The following THSD7A variants were observed in gnomAD, a reference collection of about 807,000 sequenced individuals.
THSD7A encodes the protein thrombospondin type 1 domain containing 7A.
THSD7A carries 96 observed loss-of-function variants against 231.3 expected under a neutral mutation model. The ratio of observed to expected loss-of-function variants is 0.41; its 90% confidence interval spans 0.35 to 0.49. The LOEUF (loss-of-function observed/expected upper bound fraction) is 0.49, where lower values mean the gene tolerates loss of function less well. THSD7A is among the 20% of genes least tolerant of loss of function. The pLI, the probability that THSD7A is intolerant of heterozygous loss-of-function variation, is 0.05. For synonymous variants in THSD7A, 940 were observed against 743.3 expected (o/e 1.26, Z -4.30); for missense variants, 2,290 against 2,070.2 (o/e 1.11, Z -2.06).
At chr7:11,463,633 A>G (rs964433048) in intron 9 of THSD7A, among the ~76,000 whole-genome samples, 6 of 152,152 alleles carry the variant, frequency 3.9e-5, no homozygotes, top group African/African-American at 1.4e-4. Flanking sequence ...ATTTTAATGA[A>G]TAAGCGGGAT....
At chr7:11,825,645 A>G (rs1001885136) in intron 1 of THSD7A, among the ~76,000 whole-genome samples, 12 of 152,180 alleles carry the variant, frequency 7.9e-5, no homozygotes, top group African/African-American at 2.9e-4. Flanking sequence ...AGTACGTTAC[A>G]TGCATTACCA....
At chr7:11,619,402 C>CTTTTTT (rs10706554) in intron 2 of THSD7A, among the ~76,000 whole-genome samples, 1 of 127,782 alleles carries the variant, frequency 7.8e-6, no homozygotes, top group African/African-American at 2.9e-5. Flanking sequence ...TCTTACTGTA[C>CTTTTTT]TTTTTTTTTT....
In THSD7A at chr7:11,636,349, G is replaced by T. The variant is rs1306251741; in HGVS notation, c.803C>A (p.Ser268Tyr). The T allele has an allele frequency of 4.3e-6, 7 of 1,613,664 alleles. No individual in the cohort carries two copies. In the African/African-American group the frequency reaches 9.3e-5, roughly 22 times the overall value. The change falls in exon 2 of 28, where the codon TCC becomes TAC. Residue 268 changes from serine to tyrosine, a missense_variant. Transcript: ENST00000423059. The surrounding 1 kb of genome is among the most constrained non-coding windows in gnomAD (Gnocchi z 10.0). ...GPWSTCSMPHSRQVRQARRRG... is the reference protein window; with the variant it reads ...GPWSTCSMPHYRQVRQARRRG... Reference sequence around the variant, plus strand: ...TCTCCTTGCTTGTCTTACTTGTCGGGAGTGGGGCATTGAGCAGGTGCTCCA... The same window carrying T: ...TCTCCTTGCTTGTCTTACTTGTCGGTAGTGGGGCATTGAGCAGGTGCTCCA...
chr7:11,761,724 A>G (rs149882297), intron 1 of THSD7A, among the ~76,000 whole-genome samples: 2 of 152,144 alleles, frequency 1.3e-5, no homozygotes, highest in African/African-American at 4.8e-5. Context: ...TGCTATTTTG[A>G]TATCAGAATT....
intron 16 of THSD7A, among the ~76,000 whole-genome samples, 198 bp from the exon 17 acceptor site, chr7:11,417,801 A>T (rs766512266): frequency 6.6e-6 from 1 of 152,104 alleles, no homozygotes; most frequent in South Asian, 2.1e-4. Context: ...CCTCTCCTAA[A>T]TATCTGTAGT....
chr7:11,473,286 G>T (rs1359758694), intron 8 of THSD7A, among the ~76,000 whole-genome samples: 1 of 152,034 alleles, frequency 6.6e-6, no homozygotes, highest in Non-Finnish European at 1.5e-5. Flanking sequence ...GAACACTAAG[G>T]AGTAGCTGAA....
intron 1 of THSD7A, among the ~76,000 whole-genome samples, chr7:11,712,431 T>C (rs1239532511): frequency 6.6e-6 from 1 of 151,084 alleles, no homozygotes; most frequent in Non-Finnish European, 1.5e-5. Context: ...CTTTGGAGTT[T>C]ACAGATTACA....
At position 11,469,792 on chromosome 7, in the gene THSD7A, TCA is replaced by T. The variant is rs1304741312; in HGVS notation, c.2368+85_2368+86del. ...AGGTTTACATAGCCCTGTGCAAAAC[TCA>T]CAAACATTGCTAGGCCAGAAGACCT... On this transcript the variant is annotated intron_variant, in intron 9 of 27. Transcript: ENST00000423059. 3.4e-6 allele frequency: 3 copies of T among 882,158 alleles called. No individual in the cohort carries two copies. The African/African-American group carries it at 5.0e-5, about 15-fold the overall frequency. The allele number at this position is 882,158 out of a possible 1,614,324, so 54.6% of individuals were successfully genotyped here.
chr7:11,642,393 C>G (rs1248050175), intron 1 of THSD7A, among the ~76,000 whole-genome samples: 1 of 152,068 alleles, frequency 6.6e-6, no homozygotes, highest in African/African-American at 2.4e-5. Context: ...AGGCAGCTTT[C>G]CATTTAAGGC....
At chr7:11,486,197 T>C (rs185142009) in intron 6 of THSD7A, among the ~76,000 whole-genome samples, 11 of 152,350 alleles carry the variant, frequency 7.2e-5, no homozygotes, top group African/African-American at 2.4e-4. Context: ...CTTAAGGTCT[T>C]ACAAGAGTAG....
chr7:11,737,294 T>C (rs908560593), intron 1 of THSD7A, among the ~76,000 whole-genome samples: 10 of 139,526 alleles, frequency 7.2e-5, no homozygotes, highest in African/African-American at 2.9e-4. Flanking sequence ...AGCTGTTTTA[T>C]GTGTGGTGGT....
chr7:11,484,071 C>T (rs1023915999), intron 6 of THSD7A, among the ~76,000 whole-genome samples: 1 of 151,486 alleles, frequency 6.6e-6, no homozygotes, highest in African/African-American at 2.4e-5. Context: ...TTTCAATCAT[C>T]TTGTTCTGCT....
At chr7:11,567,096 G>C (rs1330690340) in intron 4 of THSD7A, among the ~76,000 whole-genome samples, 1 of 151,968 alleles carries the variant, frequency 6.6e-6, no homozygotes, top group Non-Finnish European at 1.5e-5. Flanking sequence ...TAATCCTTTA[G>C]GGCCCAATAT....
intron 13 of THSD7A, among the ~76,000 whole-genome samples, chr7:11,436,006 T>C (rs551877199): frequency 6.6e-6 from 1 of 152,192 alleles, no homozygotes; most frequent in East Asian, 1.9e-4. Context: ...AACTTATATA[T>C]GTAAGAACCT....
chr7:11,476,062 T>G (rs74896780), intron 7 of THSD7A, among the ~76,000 whole-genome samples: 15,577 of 151,574 alleles, frequency 0.1, 928 homozygotes, highest in African/African-American at 0.17. Flanking sequence ...TGTTAGGATC[T>G]ACAATACAGG....
intron 1 of THSD7A, among the ~76,000 whole-genome samples, chr7:11,752,827 G>A (rs1782545897): frequency 6.6e-6 from 1 of 152,060 alleles, no homozygotes; most frequent in African/African-American, 2.4e-5. Flanking sequence ...TCAAGAGGCT[G>A]AGTTGAGAGG....
At chr7:11,549,588 C>A (rs1400998285) in intron 4 of THSD7A, among the ~76,000 whole-genome samples, 1 of 152,072 alleles carries the variant, frequency 6.6e-6, no homozygotes, top group East Asian at 1.9e-4. Context: ...TTATGGAATA[C>A]TATGTAGCCA....
chr7:11,608,252 T>C (rs904250909), intron 2 of THSD7A, among the ~76,000 whole-genome samples: 1 of 152,196 alleles, frequency 6.6e-6, no homozygotes, highest in Non-Finnish European at 1.5e-5. Context: ...TTTAGCATTA[T>C]GGAATTTTTG....
At chr7:11,654,393 A>T (rs1238687473) in intron 1 of THSD7A, among the ~76,000 whole-genome samples, 2 of 152,006 alleles carry the variant, frequency 1.3e-5, no homozygotes, top group African/African-American at 4.8e-5. Flanking sequence ...ATGTCACCCA[A>T]TAAAGCAGTG....
Sources: allele counts gnomAD v4.1 joint callset (sites outside exome capture counted in the v4.1 genomes callset), GRCh38; gene constraint gnomAD v4.1.1; non-coding constraint Gnocchi (gnomAD v3.1); transcripts MANE v1.5; gene names NCBI Gene and HGNC (gene_info 2026-07-23, HGNC 2026-07-21).